Variants in KLHL29 observed in about 807,000 individuals in gnomAD.
The protein encoded by KLHL29 is kelch like family member 29, also known as kelch-like protein 29.
A neutral mutation model predicts 80.4 loss-of-function variants in KLHL29; 21 were observed. The ratio of observed to expected loss-of-function variants is 0.26; its 90% confidence interval spans 0.19 to 0.38. KLHL29 has a LOEUF of 0.38. Ranked by LOEUF, KLHL29 falls within the 10% of genes least tolerant of loss-of-function variation. The probability of loss-of-function intolerance (pLI) is 1.00; values close to 1 mark genes in which losing one functional copy is unlikely to be tolerated. For missense variants in KLHL29, 867 were observed against 1,223.9 expected, an observed-to-expected ratio of 0.71 and a Z score of 4.35; for synonymous variants, 511 against 526.8, an observed-to-expected ratio of 0.97 and a Z score of 0.41.
chr2:23,562,234 G>A lies in KLHL29; in HGVS notation c.38G>A (p.Arg13Gln), dbSNP rs1042988239. 117 of 1,550,478 alleles carry A rather than the reference G, an allele frequency of 7.5e-5. No individual in the cohort carries two copies. Among genetic ancestry groups the A allele is most frequent in the Middle Eastern group, 1.7e-4 (1 of 6,014 alleles). Residue 13 changes from arginine to glutamine, a missense_variant, in exon 3 of 14, where the codon CGG becomes CAG. Transcript: ENST00000486442. The surrounding 1 kb of genome is among the most constrained non-coding windows in gnomAD (Gnocchi z 4.5). ...CATAGCCGCTTCGAAAGAGATTACC[G>A]GGTGGGCTGGGACCGCCGCGAATGG... Reference protein sequence around the residue: ...RHHSRFERDYRVGWDRREWSV... With the variant: ...RHHSRFERDYQVGWDRREWSV...
At chr2:23,476,507 G>A (rs1016770884) in intron 2 of KLHL29, among the ~76,000 whole-genome samples, 7 of 152,034 alleles carry the variant, frequency 4.6e-5, no homozygotes, top group African/African-American at 1.2e-4. Flanking sequence ...GTACTGTTCG[G>A]GGGGCATGTT....
At chr2:23,692,718 G>A (rs1432861147) in intron 7 of KLHL29, among the ~76,000 whole-genome samples, 1 of 151,732 alleles carries the variant, frequency 6.6e-6, no homozygotes. Flanking sequence ...AACAGGATAC[G>A]GAGATGGCTC....
At chr2:23,408,887 A>G (rs1221036295) in intron 1 of KLHL29, among the ~76,000 whole-genome samples, 2 of 152,204 alleles carry the variant, frequency 1.3e-5, no homozygotes, top group Non-Finnish European at 2.9e-5. Context: ...TTCGTGTGCA[A>G]TAATCCCTCC....
At chr2:23,563,094 C>T (rs896291411) in intron 3 of KLHL29, among the ~76,000 whole-genome samples, 2 of 152,194 alleles carry the variant, frequency 1.3e-5, no homozygotes, top group Non-Finnish European at 2.9e-5. Flanking sequence ...TGCAGAGGAC[C>T]CAGGACTTGT....
chr2:23,552,980 G>A (rs1011707694), intron 2 of KLHL29, among the ~76,000 whole-genome samples: 6 of 151,946 alleles, frequency 3.9e-5, no homozygotes, highest in Admixed American at 6.6e-5. Context: ...GGCTGGTCTC[G>A]AACTCCTGAC....
At chr2:23,522,188 G>A (rs1666125402) in intron 2 of KLHL29, among the ~76,000 whole-genome samples, 1 of 151,512 alleles carries the variant, frequency 6.6e-6, no homozygotes, top group Non-Finnish European at 1.5e-5. Context: ...TAGCTCTGTT[G>A]CCCAGGCTGG....
intron 2 of KLHL29, among the ~76,000 whole-genome samples, chr2:23,553,163 CT>C (rs1268339061): frequency 6.6e-6 from 1 of 152,238 alleles, no homozygotes; most frequent in African/African-American, 2.4e-5. Flanking sequence ...ACCCTGGACC[CT>C]GCAGCAGATG....
chr2:23,413,024 T>C (rs1666902477), intron 1 of KLHL29, among the ~76,000 whole-genome samples: 1 of 152,208 alleles, frequency 6.6e-6, no homozygotes, highest in African/African-American at 2.4e-5. Context: ...CTTGGTTCTT[T>C]GGGCAATTTT....
chr2:23,663,923 A>G (rs183909559), intron 5 of KLHL29, among the ~76,000 whole-genome samples: 15 of 152,320 alleles, frequency 9.8e-5, no homozygotes, highest in Non-Finnish European at 1.9e-4. Flanking sequence ...CAAAAGAGAA[A>G]GCTCAAAAGC....
chr2:23,669,950 G>C lies in KLHL29; in HGVS notation c.941-14449G>C, dbSNP rs1479353281. 2.0e-5 allele frequency among the ~76,000 whole-genome samples: 3 copies of C among 152,140 alleles called. No individual in the cohort carries two copies. Among genetic ancestry groups the C allele is most frequent in the Middle Eastern group, 3.2e-3 (1 of 316 alleles). ...ATGTGGGTAGGGACCCAAGCAGAGA[G>C]GGGTGTCAGTAAAGCCAGAAGCTCA... On this transcript the variant is annotated intron_variant, in intron 5 of 13. Coordinates refer to ENST00000486442, the MANE Select transcript of KLHL29 (RefSeq NM_052920.2). The surrounding 1 kb of genome is among the most constrained non-coding windows in gnomAD (Gnocchi z 4.3).
rs988805421 is a variant in KLHL29 at position 23,562,642 on chromosome 2, C to T, written c.285+161C>T. ...AGGACCTGGGCCTGGAAACTGTTTG[C>T]GAGCATTCATGCGGGTTTTATTATC... On this transcript the variant is annotated intron_variant, in intron 3 of 13. Transcript: ENST00000486442. The surrounding 1 kb of genome is among the most constrained non-coding windows in gnomAD (Gnocchi z 4.5). Among the ~76,000 whole-genome samples, 1 of 152,144 alleles carries T rather than the reference C, an allele frequency of 6.6e-6. No homozygotes were observed. Among genetic ancestry groups the T allele is most frequent in the Non-Finnish European group, 1.5e-5 (1 of 68,024 alleles).
intron 3 of KLHL29, among the ~76,000 whole-genome samples, chr2:23,579,538 A>C (rs1667929059): frequency 6.6e-6 from 1 of 151,984 alleles, no homozygotes; most frequent in Admixed American, 6.6e-5. Context: ...ACTACCCATC[A>C]GTGAGCTGAG....
chr2:23,459,476 T>G (rs57241086), intron 1 of KLHL29, among the ~76,000 whole-genome samples: 26,251 of 152,032 alleles, frequency 0.17, 3,687 homozygotes, highest in African/African-American at 0.37. Flanking sequence ...AAACATCTTC[T>G]AGGAGCTCTG....
At chr2:23,536,794 T>C (rs561865298) in intron 2 of KLHL29, among the ~76,000 whole-genome samples, 5 of 152,190 alleles carry the variant, frequency 3.3e-5, no homozygotes, top group African/African-American at 1.2e-4. Context: ...TTGATGTAGA[T>C]AAGTAGGTAC....
chr2:23,475,306 C>T (rs964688246), intron 1 of KLHL29, among the ~76,000 whole-genome samples: 1 of 142,788 alleles, frequency 7.0e-6, no homozygotes, highest in Admixed American at 7.9e-5. Flanking sequence ...ATCTGCCACT[C>T]GGAGTACTCT....
chr2:23,459,584 G>A (rs1450590980), intron 1 of KLHL29, among the ~76,000 whole-genome samples: 1 of 152,202 alleles, frequency 6.6e-6, no homozygotes, highest in African/African-American at 2.4e-5. Flanking sequence ...TGTTGTGGAA[G>A]CAAAGGGAAG....
At position 23,457,050 on chromosome 2, in the gene KLHL29, TC is replaced by T. The variant is rs1362822737; in HGVS notation, c.-153-18508del. The stretch of plus-strand genomic sequence containing the variant: ...GCCGGAGCAGCAGAGGTCGAGGCCT[TC>T]CGAGGCCCCTCCCCAGGCATCTGCT... On this transcript the variant is annotated intron_variant, in intron 1 of 13. Transcript: ENST00000486442. This position sits in a 1 kb window ranked among gnomAD's most constrained non-coding sequence, Gnocchi z 4.3. 2.0e-5 allele frequency among the ~76,000 whole-genome samples: 3 copies of T among 152,150 alleles called. No individual in the cohort carries two copies. The highest frequency in any genetic ancestry group is 2.4e-5 in the African/African-American group (1 of 41,426).
rs772179628 is a variant in KLHL29 at position 23,706,634 on chromosome 2, C to T, written c.2598C>T (p.Val866=). 1.9e-5 allele frequency: 29 copies of T among 1,533,006 alleles called. No homozygotes were observed. The highest frequency in any genetic ancestry group is 1.3e-4 in the South Asian group (11 of 83,334). 95.0% of individuals were successfully genotyped at this position (1,533,006 alleles called of 1,614,324 possible). A position where few individuals can be genotyped will look rare whatever the true frequency, so the allele number is the denominator to read the frequency against. Residue 866 remains valine (V), a synonymous_variant, in exon 14 of 14, where the codon GTC becomes GTT. Transcript: ENST00000486442. The part of the protein sequence containing the change: ...MPCPVFRHGC[V]VIKKYIQSG ...GCCCTGTGTTCAGACACGGCTGCGT[C>T]GTGATAAAGAAATATATTCAAAGCG... is the stretch of plus-strand genomic sequence containing the variant.
At chr2:23,462,089 G>A (rs1157953392) in intron 1 of KLHL29, among the ~76,000 whole-genome samples, 4 of 151,602 alleles carry the variant, frequency 2.6e-5, no homozygotes, top group Non-Finnish European at 5.9e-5. Context: ...AATCTCAGCT[G>A]CTGAGGGAGG....
Sources: allele counts gnomAD v4.1 joint callset (sites outside exome capture counted in the v4.1 genomes callset), GRCh38; gene constraint gnomAD v4.1.1; non-coding constraint Gnocchi (gnomAD v3.1); transcripts MANE v1.5; gene names NCBI Gene and HGNC (gene_info 2026-07-23, HGNC 2026-07-21).